The following BCOR variants were observed in gnomAD, a reference collection of about 807,000 sequenced individuals.
BCOR encodes the protein BCL6 corepressor.
In BCOR, 10 loss-of-function variants were observed where a neutral mutation model predicts 86.7. That is an observed-to-expected ratio of 0.12 (90% CI 0.07 to 0.20). BCOR has a LOEUF of 0.20. Ranked by LOEUF, BCOR falls within the 10% of genes least tolerant of loss-of-function variation. The pLI is 1.00. For synonymous variants in BCOR, 611 were observed against 609.0 expected, an observed-to-expected ratio of 1.00 and a Z score of -0.05; for missense variants, 1,259 against 1,452.1, an observed-to-expected ratio of 0.87 and a Z score of 2.16.
chrX:40,084,901 G>A (rs1027157155), intron 1 of BCOR, among the ~76,000 whole-genome samples: 1 of 112,463 alleles, frequency 8.9e-6, no homozygotes, highest in Non-Finnish European at 1.9e-5. Context: ...AGGCTGGGAT[G>A]AGGGTCAGAG....
At chrX:40,103,103 T>TGG (rs201972249) in intron 1 of BCOR, among the ~76,000 whole-genome samples, 2 of 100,969 alleles carry the variant, frequency 2.0e-5, no homozygotes, top group African/African-American at 7.2e-5. Flanking sequence ...GGGGGTGGGG[T>TGG]GGGGGGGCTC....
At chrX:40,106,419 G>A (rs1452385126) in intron 1 of BCOR, among the ~76,000 whole-genome samples, 2 of 112,208 alleles carry the variant, frequency 1.8e-5, no homozygotes, top group Admixed American at 9.3e-5. Context: ...GTCCCCGCCT[G>A]TCTGGCTGCT....
intron 1 of BCOR, among the ~76,000 whole-genome samples, chrX:40,176,446 G>C (rs1277640490): frequency 2.7e-5 from 3 of 112,339 alleles, no homozygotes; most frequent in African/African-American, 9.7e-5. Context: ...TGGCGGTTCC[G>C]GTCGTTCCGG....
In BCOR at chrX:40,051,924, G is replaced by T; in HGVS notation, c.*185C>A. 2.8e-6 allele frequency: 1 copy of T among 360,393 alleles called. No homozygotes were observed. Among genetic ancestry groups the T allele is most frequent in the Non-Finnish European group, 4.6e-6 (1 of 215,437 alleles). 29.7% of individuals were successfully genotyped at this position (360,393 alleles called of 1,213,427 possible). ...ACATTATAACAACTTCATAAAAACT[G>T]ACTTAAAAGTTTAAAAGGAAAAAAA... On this transcript the variant is annotated 3_prime_UTR_variant, in exon 15 of 15. Transcript: ENST00000378444.
intron 8 of BCOR, 87 bp from the exon 9 acceptor site, chrX:40,063,158 G>T: frequency 1.4e-6 from 1 of 702,878 alleles, no homozygotes; most frequent in Non-Finnish European, 2.1e-6. Flanking sequence ...AGTGCAGGAA[G>T]AAAAGCCCAT....
chrX:40,071,566 T>C (rs1369694716), intron 5 of BCOR, 71 bp downstream of exon 5: 1 of 793,084 alleles, frequency 1.3e-6, no homozygotes, highest in Non-Finnish European at 1.9e-6. Flanking sequence ...CTTCCCTTTG[T>C]ATATTTGGAA....
chrX:40,130,326 C>T (rs1937589494), intron 1 of BCOR, among the ~76,000 whole-genome samples: 1 of 112,067 alleles, frequency 8.9e-6, no homozygotes, highest in African/African-American at 3.2e-5. Flanking sequence ...TATGACCTAT[C>T]CTAATGACTC....
At chrX:40,131,545 G>A (rs1289793292) in intron 1 of BCOR, among the ~76,000 whole-genome samples, 1 of 112,057 alleles carries the variant, frequency 8.9e-6, no homozygotes, top group Non-Finnish European at 1.9e-5. Context: ...TACTCAGGAG[G>A]CTGAGGCAGG....
upstream of BCOR, among the ~76,000 whole-genome samples, chrX:40,099,210 C>G (rs1312109444): frequency 1.3e-5 from 1 of 78,454 alleles, no homozygotes; most frequent in South Asian, 7.6e-4. Context: ...GCTCTGGGCG[C>G]GGGGGGAGGG....
At chrX:40,122,587 T>G (rs1373692940) in intron 1 of BCOR, among the ~76,000 whole-genome samples, 1 of 112,102 alleles carries the variant, frequency 8.9e-6, no homozygotes, top group African/African-American at 3.2e-5. Flanking sequence ...CCTTACTTTG[T>G]GTCTGCACAA....
At chrX:40,056,469 C>T (rs182982073) in intron 11 of BCOR, among the ~76,000 whole-genome samples, 2 of 110,867 alleles carry the variant, frequency 1.8e-5, no homozygotes, top group African/African-American at 3.3e-5. Flanking sequence ...CAGCAGGATA[C>T]AGAGGCCTCC....
chrX:40,090,574 G>A (rs1936562758), intron 1 of BCOR, among the ~76,000 whole-genome samples: 1 of 106,194 alleles, frequency 9.4e-6, no homozygotes, highest in Non-Finnish European at 2.0e-5. Context: ...CCCCACCCCC[G>A]CCTACTGTGG....
intron 1 of BCOR, among the ~76,000 whole-genome samples, chrX:40,137,525 A>G (rs181737021): frequency 1.1e-4 from 11 of 104,193 alleles, no homozygotes; most frequent in Non-Finnish European, 1.5e-4. Flanking sequence ...TGCAGCCTAG[A>G]TAATAGAGTG....
rs771428828 is a variant in BCOR at position 40,077,879 on chromosome X, G to C, written c.51C>G (p.Ser17Arg). The change falls in exon 2 of 15, where the codon AGC (serine) becomes AGG (arginine). Residue 17 changes from serine to arginine, a missense_variant. Physicochemically the swap from Ser to Arg is moderately radical, Grantham distance 110. This residue lies in a region of BCOR where 174 missense variants were observed against 189.3 expected (regional missense o/e 0.92). Coordinates refer to ENST00000378444, the MANE Select transcript of BCOR (RefSeq NM_001123385.2). ...TCGCCCCACACATGCGGACCCTCTC[G>C]CTGTTCATCCAGCTGTGAACGTTCC... The part of the protein sequence containing the change: ...LYGNVHSWMN[S>R]ERVRMCGASE... The C allele has an allele frequency of 9.1e-6, 11 of 1,210,802 alleles. No individual in the cohort carries two copies. Among genetic ancestry groups the C allele is most frequent in the Middle Eastern group, 2.3e-4 (1 of 4,374 alleles).
intron 1 of BCOR, among the ~76,000 whole-genome samples, chrX:40,080,983 ACACGCG>A (rs1389175270): frequency 4.0e-5 from 1 of 24,869 alleles, no homozygotes; most frequent in Admixed American, 6.8e-4. Flanking sequence ...GCGCACACAC[ACACGCG>A]CACACACACA....
chrX:40,064,295 G>A, intron 7 of BCOR, 41 bp downstream of exon 7: 1 of 1,211,051 alleles, frequency 8.3e-7, no homozygotes, highest in African/African-American at 1.7e-5. Flanking sequence ...CGCATGCAAA[G>A]GCCCACCCCC....
intron 1 of BCOR, chrX:40,146,608 C>A (rs1310425398): frequency 8.9e-6 from 1 of 112,505 alleles, no homozygotes; most frequent in Admixed American, 9.3e-5. Context: ...CAGCTCTGCA[C>A]GCGCTTCAGT....
At chrX:40,136,386 G>A (rs1052257515) in intron 1 of BCOR, among the ~76,000 whole-genome samples, 1 of 111,415 alleles carries the variant, frequency 9.0e-6, no homozygotes, top group Non-Finnish European at 1.9e-5. Flanking sequence ...TTGATATATC[G>A]CCTGAGCACG....
At chrX:40,106,012 G>A (rs1476026385) in intron 1 of BCOR, among the ~76,000 whole-genome samples, 1 of 112,793 alleles carries the variant, frequency 8.9e-6, no homozygotes, top group East Asian at 2.8e-4. Flanking sequence ...ACGGGAGTAG[G>A]TCATGGCGGC....
Sources: allele counts gnomAD v4.1 joint callset (sites outside exome capture counted in the v4.1 genomes callset), GRCh38; gene constraint gnomAD v4.1.1; regional missense constraint gnomAD v4.1.1; transcripts MANE v1.5; gene names NCBI Gene and HGNC (gene_info 2026-07-23, HGNC 2026-07-21).